CLCC1: variants seen among roughly 807,000 people sequenced by gnomAD.
CLCC1 encodes the protein chloride channel CLIC like 1.
CLCC1 carries 39 observed loss-of-function variants against 63.3 expected under a neutral mutation model. That is an observed-to-expected ratio of 0.62 (90% confidence interval 0.48 to 0.81). The LOEUF (loss-of-function observed/expected upper bound fraction) is 0.81. Among genes scored for constraint, CLCC1 ranks in the 30% least tolerant of loss-of-function variants. CLCC1 has a pLI of 0.00. For synonymous variants in CLCC1, 217 were observed against 239.8 expected, an observed-to-expected ratio of 0.90 and a Z score of 0.88; for missense variants, 549 against 669.4, an observed-to-expected ratio of 0.82 and a Z score of 1.98.
At chr1:108,959,730 A>C (rs570263980) in intron 2 of CLCC1, among the ~76,000 whole-genome samples, 53 of 152,194 alleles carry the variant, frequency 3.5e-4, no homozygotes, top group African/African-American at 1.2e-3. Context: ...GGGACTCTAT[A>C]CTCCCAAAGC....
intron 2 of CLCC1, among the ~76,000 whole-genome samples, chr1:108,959,706 C>A (rs1656380833): frequency 1.3e-5 from 2 of 152,118 alleles, no homozygotes. Context: ...AATGTATACT[C>A]CAAGGGTAAA....
Position 108,937,136 on chromosome 1 carries a change from G to A in CLCC1, c.1324C>T (p.Leu442Phe). ...GCGTCTGGTACATCAAATGCCCGGA[G>A]CACTTCAGGGCTCTTGTTGCCAGTC... Reference protein sequence around the residue: ...FQTGNKSPEVLRAFDVPDAEA... With the variant: ...FQTGNKSPEVFRAFDVPDAEA... Residue 442 changes from leucine (L) to phenylalanine (F), a missense_variant, in exon 11 of 13, where the codon CTC becomes TTC. Transcript: ENST00000369969. 1 of 1,545,140 alleles carries A rather than the reference G, an allele frequency of 6.5e-7. No individual in the cohort carries two copies. Among genetic ancestry groups the A allele is most frequent in the Non-Finnish European group, 8.7e-7 (1 of 1,147,358 alleles).
At chr1:108,943,738 T>G in intron 6 of CLCC1, 98 bp downstream of exon 6, 1 of 1,432,018 alleles carries the variant, frequency 7.0e-7, no homozygotes, top group Non-Finnish European at 9.7e-7. Context: ...ACGGTATAAG[T>G]GACCTAGTAC....
intron 6 of CLCC1, 58 bp from the exon 7 acceptor site, chr1:108,943,673 A>T (rs1654145922): frequency 6.3e-7 from 1 of 1,597,384 alleles, no homozygotes; most frequent in Non-Finnish European, 8.5e-7. Context: ...AGCTAAAAAG[A>T]ACTGGACTCA....
intron 7 of CLCC1, among the ~76,000 whole-genome samples, chr1:108,941,842 C>T (rs140039461): frequency 0.064 from 9,711 of 151,824 alleles, 350 homozygotes; most frequent in Non-Finnish European, 0.068. Flanking sequence ...TTAGTAGAGA[C>T]GGGGTTTCAT....
intron 5 of CLCC1, among the ~76,000 whole-genome samples, chr1:108,946,135 C>CGTTT (rs1654506662): frequency 6.6e-6 from 1 of 152,114 alleles, no homozygotes; most frequent in South Asian, 2.1e-4. Flanking sequence ...ACGGTGAAAC[C>CGTTT]CTGTCTCTAC....
Position 108,939,751 on chromosome 1 carries a change from G to A in CLCC1, c.926C>T (p.Thr309Met), listed in dbSNP as rs368258783. Residue 309 changes from threonine (T) to methionine (M), a missense_variant, in exon 10 of 13, where the codon ACG becomes ATG. By Grantham distance (81) the Thr-to-Met change is moderately conservative. Transcript: ENST00000369969. ...TTTTCCAATATGCTTCAATGGCTCC[G>A]TTACAAATGTGGTGAATGTAACTGC... ...ALAVTFTTFV[T>M]EPLKHIGKGT... is the part of the protein sequence containing the mutation. 3.8e-5 allele frequency: 61 copies of A among 1,613,954 alleles called. No individual in the cohort carries two copies. The highest frequency in any genetic ancestry group is 1.2e-4 in the African/African-American group (9 of 75,008).
chr1:108,931,181 C>A lies in CLCC1; in HGVS notation c.*1366G>T. The A allele has an allele frequency of 1.1e-6, 1 of 878,784 alleles. No homozygotes were observed. The highest frequency in any genetic ancestry group is 1.6e-6 in the Non-Finnish European group (1 of 618,016). The allele number at this position is 878,784 out of a possible 1,614,324, so 54.4% of individuals were successfully genotyped here. A position where few individuals can be genotyped will look rare whatever the true frequency, so the allele number is the denominator to read the frequency against. On this transcript the variant is annotated 3_prime_UTR_variant, in exon 13 of 13. Transcript: ENST00000369969. The stretch of plus-strand genomic sequence containing the variant: ...TAATATAAAAACAAAAAACAAAACC[C>A]ATGTGGTTAGGTCAAGAACCTAGGA...
At chr1:108,950,803 T>C (rs1438158276) in intron 2 of CLCC1, among the ~76,000 whole-genome samples, 4 of 152,030 alleles carry the variant, frequency 2.6e-5, no homozygotes, top group Non-Finnish European at 4.4e-5. Context: ...GCATGAGCCA[T>C]TGCACCCAGC....
intron 2 of CLCC1, 31 bp downstream of exon 2, chr1:108,962,278 G>A (rs1433692782): frequency 6.6e-6 from 1 of 152,244 alleles, no homozygotes; most frequent in African/African-American, 2.4e-5. Context: ...TTCAACGAAA[G>A]CACATGAGTA....
At position 108,934,874 on chromosome 1, in the gene CLCC1, T is replaced by C; in HGVS notation, c.1452A>G (p.Lys484=). The C allele has an allele frequency of 6.2e-7, 1 of 1,614,250 alleles. No homozygotes were observed. The highest frequency in any genetic ancestry group is 8.5e-7 in the Non-Finnish European group (1 of 1,180,026). The change falls in exon 12 of 13, where the codon AAA becomes AAG. Residue 484 remains lysine, a synonymous_variant. Transcript: ENST00000369969. ...ACTGGCTGCTTTCAGTACTGCTTTC[T>C]TTCGGTGTGCCTTCCCCCAGGATTC... The part of the protein sequence containing the change: ...TGGILGEGTP[K]ESSTESSQSA...
chr1:108,960,967 T>C (rs955700418), intron 2 of CLCC1, among the ~76,000 whole-genome samples: 2 of 152,088 alleles, frequency 1.3e-5, no homozygotes, highest in African/African-American at 4.8e-5. Flanking sequence ...AGTGCTGGGA[T>C]TACAGGTGAG....
Position 108,947,644 on chromosome 1 carries a change from ATTT to A in CLCC1, c.303_305del (p.Leu101_Asn102delinsPhe). Reference sequence around the variant, plus strand: ...GCTTTCCAGCTTCAATTAAAATCTTATTTAAGTATCTCCTAAAAACAGGATTGC... The same window carrying A: ...GCTTTCCAGCTTCAATTAAAATCTTAAAGTATCTCCTAAAAACAGGATTGC... On this transcript the variant is annotated inframe_deletion, in exon 5 of 13. Coordinates refer to ENST00000369969, the MANE Select transcript of CLCC1 (RefSeq NM_001377458.1). 6.2e-7 allele frequency: 1 copy of A among 1,611,980 alleles called. No individual in the cohort carries two copies. Among genetic ancestry groups the A allele is most frequent in the Non-Finnish European group, 8.5e-7 (1 of 1,178,872 alleles).
chr1:108,940,712 G>A (rs551012266), intron 8 of CLCC1, among the ~76,000 whole-genome samples: 4 of 152,286 alleles, frequency 2.6e-5, no homozygotes, highest in African/African-American at 7.2e-5. Flanking sequence ...ATATACGTTG[G>A]GAAACTAGCC....
At chr1:108,947,438 T>G (rs1654686908) in intron 5 of CLCC1, among the ~76,000 whole-genome samples, 173 bp downstream of exon 5, 1 of 152,224 alleles carries the variant, frequency 6.6e-6, no homozygotes, top group African/African-American at 2.4e-5. Context: ...ACCAGACCAC[T>G]GCAAAGCAGT....
intron 7 of CLCC1, 96 bp from the exon 8 acceptor site, chr1:108,941,594 T>C: frequency 1.3e-6 from 1 of 741,696 alleles, no homozygotes; most frequent in Non-Finnish European, 2.3e-6. Context: ...GTCTTTACCA[T>C]TCATCCAAAC....
intron 2 of CLCC1, among the ~76,000 whole-genome samples, chr1:108,956,949 C>CT (rs1557900225): frequency 7.9e-6 from 1 of 126,596 alleles, no homozygotes; most frequent in African/African-American, 2.8e-5. Context: ...GGTTTTTACT[C>CT]TATGTGTAAC....
rs574565748 is a variant in CLCC1 at position 108,929,895 on chromosome 1, T to A, written c.*2652A>T. Reference sequence around the variant, plus strand: ...TAAAGGACTTTTTGCAAAATAATGCTTTGTTGGAGTTTAAAAATTCAGGGA... The same window carrying A: ...TAAAGGACTTTTTGCAAAATAATGCATTGTTGGAGTTTAAAAATTCAGGGA... On this transcript the variant is annotated 3_prime_UTR_variant, in exon 13 of 13. Transcript: ENST00000369969. The A allele has an allele frequency of 1.9e-6, 3 of 1,613,698 alleles. No homozygotes were observed. In the African/African-American group the frequency reaches 4.0e-5, roughly 22 times the overall value.
chr1:108,946,203 A>C (rs923815831), intron 5 of CLCC1, among the ~76,000 whole-genome samples: 1 of 151,842 alleles, frequency 6.6e-6, no homozygotes, highest in Non-Finnish European at 1.5e-5. Context: ...CCAGCTACTC[A>C]GGAGGCTGAG....
Sources: allele counts gnomAD v4.1 joint callset (sites outside exome capture counted in the v4.1 genomes callset), GRCh38; gene constraint gnomAD v4.1.1; transcripts MANE v1.5; gene names NCBI Gene and HGNC (gene_info 2026-07-23, HGNC 2026-07-21).